PCDH7: variants seen among roughly 807,000 people sequenced by gnomAD.
The protein encoded by PCDH7 is protocadherin 7.
A neutral mutation model predicts 58.9 loss-of-function variants in PCDH7; 17 were observed. The ratio of observed to expected loss-of-function variants is 0.29; its 90% CI spans 0.20 to 0.43. PCDH7 has a LOEUF of 0.43. Ranked by LOEUF, PCDH7 falls within the 20% of genes least tolerant of loss-of-function variation. The pLI is 1.00. For missense variants in PCDH7, 1,274 were observed against 1,441.0 expected (o/e 0.88, Z 1.88); for synonymous variants, 664 against 616.4 (o/e 1.08, Z -1.14).
At chr4:30,803,216 G>A (rs1003721858) in intron 1 of PCDH7, among the ~76,000 whole-genome samples, 4 of 152,122 alleles carry the variant, frequency 2.6e-5, no homozygotes, top group African/African-American at 4.8e-5. Flanking sequence ...AGATATTACA[G>A]TAGAGCATTT....
chr4:30,784,476 C>T (rs961326573), intron 1 of PCDH7, among the ~76,000 whole-genome samples: 3 of 152,182 alleles, frequency 2.0e-5, no homozygotes, highest in South Asian at 2.1e-4. Flanking sequence ...CATTTTAATA[C>T]GTGGACTTCA....
intron 1 of PCDH7, among the ~76,000 whole-genome samples, chr4:30,809,368 T>G (rs920516620): frequency 3.9e-5 from 6 of 152,128 alleles, no homozygotes; most frequent in African/African-American, 1.4e-4. Flanking sequence ...GGAAGTGACA[T>G]TCCTGACCTT....
intron 1 of PCDH7, among the ~76,000 whole-genome samples, chr4:30,859,791 T>G (rs1733968338): frequency 6.6e-6 from 1 of 152,046 alleles, no homozygotes; most frequent in African/African-American, 2.4e-5. Flanking sequence ...AGGTAAGAAT[T>G]TAGCTGATTG....
intron 2 of PCDH7, among the ~76,000 whole-genome samples, chr4:30,944,933 T>C (rs1440501265): frequency 6.6e-6 from 1 of 152,110 alleles, no homozygotes; most frequent in Non-Finnish European, 1.5e-5. Context: ...TTGTGAAATT[T>C]AGAAATTTGA....
chr4:30,912,896 A>G (rs1293441821), intron 1 of PCDH7, among the ~76,000 whole-genome samples: 1 of 152,128 alleles, frequency 6.6e-6, no homozygotes, highest in Non-Finnish European at 1.5e-5. Context: ...TGCTTAGTAG[A>G]TGAAAGGCAC....
intron 1 of PCDH7, among the ~76,000 whole-genome samples, chr4:30,824,079 T>TTTTCTTTCTTTC (rs199892825): frequency 1.6e-4 from 15 of 91,576 alleles, no homozygotes; most frequent in South Asian, 7.9e-4. Context: ...GCGGGGTTTC[T>TTTTCTTTCTTTC]TTTCTTTCTT....
intron 3 of PCDH7, among the ~76,000 whole-genome samples, chr4:31,026,985 A>G (rs1754488542): frequency 6.6e-6 from 1 of 152,180 alleles, no homozygotes; most frequent in Admixed American, 6.5e-5. Flanking sequence ...TGGGAGTAAG[A>G]TGCTAACATC....
intron 1 of PCDH7, among the ~76,000 whole-genome samples, chr4:30,773,635 G>A (rs2109280985): frequency 6.6e-6 from 1 of 152,164 alleles, no homozygotes. Flanking sequence ...AAGAATCATG[G>A]TGCTGCTTTC....
exon 2 of PCDH7, chr4:30,920,245 G>A: frequency 7.3e-7 from 1 of 1,367,724 alleles, no homozygotes; most frequent in Non-Finnish European, 9.8e-7. Context: ...GGCTGGAGGA[G>A]TCAGAAACAC....
chr4:31,067,129 G>A (rs1758153214), intron 3 of PCDH7, among the ~76,000 whole-genome samples: 1 of 151,900 alleles, frequency 6.6e-6, no homozygotes, highest in African/African-American at 2.4e-5. Context: ...CTTTCCAAGT[G>A]TACTATGCAT....
rs1036190716 is a variant in PCDH7, at chr4:31,084,319, T to C, written c.*8-58154T>C. Among the ~76,000 whole-genome samples, 5 of 152,144 alleles carry C rather than the reference T, an allele frequency of 3.3e-5. No individual in the cohort carries two copies. In the South Asian group the frequency reaches 6.2e-4, roughly 19 times the overall value. On this transcript the variant is annotated intron_variant, in intron 3 of 3. Transcript: ENST00000509759. ...GGAAAATAGATTATAGGTTCATTTG[T>C]AGGGACAGGAATTTAATTTTTCTGC...
intron 2 of PCDH7, among the ~76,000 whole-genome samples, chr4:30,949,232 T>C (rs543133706): frequency 1.2e-4 from 19 of 152,300 alleles, no homozygotes; most frequent in Admixed American, 1.2e-3. Context: ...TATAAAAGCT[T>C]TTCTAAAGAA....
intron 3 of PCDH7, among the ~76,000 whole-genome samples, chr4:31,104,249 A>G (rs955606982): frequency 1.3e-5 from 2 of 152,226 alleles, no homozygotes; most frequent in East Asian, 3.9e-4. Flanking sequence ...GGTGACTAAC[A>G]TTGAATCTGC....
intron 1 of PCDH7, among the ~76,000 whole-genome samples, chr4:30,748,862 A>G (rs1248913959): frequency 6.6e-6 from 1 of 152,186 alleles, no homozygotes; most frequent in Non-Finnish European, 1.5e-5. Flanking sequence ...TGGCCTGACA[A>G]TGATGCCACT....
intron 2 of PCDH7, among the ~76,000 whole-genome samples, chr4:30,921,778 T>G (rs1743213662): frequency 1.3e-5 from 2 of 151,874 alleles, no homozygotes; most frequent in African/African-American, 4.8e-5. Context: ...TGGTATGAAT[T>G]GCAATGCTGA....
At chr4:31,136,929 T>A (rs1165934296) in intron 3 of PCDH7, among the ~76,000 whole-genome samples, 2 of 152,192 alleles carry the variant, frequency 1.3e-5, no homozygotes, top group African/African-American at 4.8e-5. Context: ...TTCTCAGCCC[T>A]ATCATATAAA....
intron 1 of PCDH7, among the ~76,000 whole-genome samples, chr4:30,901,173 TAA>T (rs763209090): frequency 6.6e-6 from 1 of 152,200 alleles, no homozygotes; most frequent in Non-Finnish European, 1.5e-5. Context: ...AATACTCATT[TAA>T]GTTTTTCTAT....
At chr4:31,021,442 G>C (rs559219828) in intron 3 of PCDH7, among the ~76,000 whole-genome samples, 1 of 152,260 alleles carries the variant, frequency 6.6e-6, no homozygotes, top group Non-Finnish European at 1.5e-5. Flanking sequence ...CTTTGAAAAA[G>C]GCAGTTCTGA....
intron 3 of PCDH7, among the ~76,000 whole-genome samples, chr4:31,077,935 T>C (rs1230433693): frequency 1.3e-5 from 2 of 152,144 alleles, no homozygotes; most frequent in Non-Finnish European, 2.9e-5. Flanking sequence ...AGGTGGCTGA[T>C]TTAGGATCAG....
Sources: allele counts gnomAD v4.1 joint callset (sites outside exome capture counted in the v4.1 genomes callset), GRCh38; gene constraint gnomAD v4.1.1; transcripts MANE v1.5; gene names NCBI Gene and HGNC (gene_info 2026-07-23, HGNC 2026-07-21).